Variants in KEL observed in about 807,000 individuals in gnomAD.
KEL encodes kell blood group glycoprotein.
KEL carries 96 observed loss-of-function variants against 99.5 expected under a neutral mutation model. That is an observed-to-expected ratio of 0.97 (90% CI 0.82 to 1.14). The LOEUF (loss-of-function observed/expected upper bound fraction) is 1.14. Among genes scored for constraint, KEL ranks in the 50% most tolerant of loss-of-function variants. The pLI is 0.00. For missense variants in KEL, 926 were observed against 924.2 expected, an observed-to-expected ratio of 1.00 and a Z score of -0.03; for synonymous variants, 355 against 354.8, an observed-to-expected ratio of 1.00 and a Z score of -0.01.
chr7:142,951,523 A>C (rs1173429555), intron 10 of KEL, among the ~76,000 whole-genome samples: 1 of 152,154 alleles, frequency 6.6e-6, no homozygotes, highest in Non-Finnish European at 1.5e-5. Flanking sequence ...ACTTACTGTC[A>C]TACCTGAGCA....
chr7:142,945,041 G>A, intron 11 of KEL: 1 of 474,984 alleles, frequency 2.1e-6, no homozygotes, highest in Middle Eastern at 5.9e-4. Context: ...TCACTCCTGG[G>A]GGCAGGAACA....
intron 10 of KEL, among the ~76,000 whole-genome samples, chr7:142,949,862 T>C (rs1796633122): frequency 6.6e-6 from 1 of 152,234 alleles, no homozygotes; most frequent in Non-Finnish European, 1.5e-5. Context: ...CTGCTTTTAC[T>C]TCTCAAAACC....
At chr7:142,958,833 A>G (rs2116682567) in intron 4 of KEL, among the ~76,000 whole-genome samples, 1 of 152,330 alleles carries the variant, frequency 6.6e-6, no homozygotes, top group East Asian at 1.9e-4. Context: ...AGACTTCAAA[A>G]GAACTTCGGT....
chr7:142,947,870 C>T (rs1248510127), intron 10 of KEL, among the ~76,000 whole-genome samples: 1 of 152,208 alleles, frequency 6.6e-6, no homozygotes, highest in Admixed American at 6.5e-5. Flanking sequence ...TCTCATGCTG[C>T]ATGAGTTGGA....
intron 4 of KEL, among the ~76,000 whole-genome samples, chr7:142,960,377 G>A (rs1796926180): frequency 1.3e-5 from 2 of 152,194 alleles, no homozygotes; most frequent in Admixed American, 1.3e-4. Flanking sequence ...AGATCATTGT[G>A]AGAGAGGGGA....
intron 18 of KEL, chr7:142,942,189 T>G: frequency 1.8e-6 from 1 of 570,750 alleles, no homozygotes; most frequent in Non-Finnish European, 3.1e-6. Flanking sequence ...TGGAGGAACT[T>G]GGGAATAGAG....
chr7:142,960,993 T>C lies in KEL; in HGVS notation c.335A>G (p.Lys112Arg). Residue 112 changes from lysine (K) to arginine (R), a missense_variant, in exon 4 of 19, where the codon AAA becomes AGA. Transcript: ENST00000355265. ...CTCCTGAAAAGAATTATTGGTCTCT[T>C]TGGCCCTTCCACAGGCAAAGCTGAA... ...DFFSFACGRA[K>R]ETNNSFQELA... 6.2e-7 allele frequency: 1 copy of C among 1,614,240 alleles called. No homozygotes were observed.
intron 10 of KEL, among the ~76,000 whole-genome samples, chr7:142,947,843 G>A (rs1478363981): frequency 1.3e-5 from 2 of 152,244 alleles, no homozygotes; most frequent in Non-Finnish European, 2.9e-5. Flanking sequence ...CTGATAAAGA[G>A]AAGAGGCTCA....
At chr7:142,947,343 C>T (rs1281135367) in intron 10 of KEL, among the ~76,000 whole-genome samples, 2 of 152,064 alleles carry the variant, frequency 1.3e-5, no homozygotes, top group African/African-American at 2.4e-5. Flanking sequence ...TAATACTCTC[C>T]CCGCAGGAGC....
Position 142,961,069 on chromosome 7 carries a change from C to T in KEL, c.259G>A (p.Asp87Asn), listed in dbSNP as rs770390286. 5.5e-5 allele frequency: 89 copies of T among 1,613,988 alleles called. 2 individuals are homozygous for T. The South Asian group carries it at 7.1e-4, about 13-fold the overall frequency. The change falls in exon 4 of 19, where the codon GAT becomes AAT. Residue 87 changes from aspartate to asparagine, a missense_variant. Physicochemically the swap from Asp to Asn is conservative, Grantham distance 23 (BLOSUM62 1). Transcript: ENST00000355265. ...CETSVCLDLR[D>N]HYLASGNTSV... is the part of the protein sequence containing the mutation. Reference sequence around the variant, plus strand: ...GTGTTCCCAGAGGCCAGGTAATGATCCCGGAGATCCAAACACACAGATGTC... The same window carrying T: ...GTGTTCCCAGAGGCCAGGTAATGATTCCGGAGATCCAAACACACAGATGTC...
chr7:142,961,366 C>T lies in KEL; in HGVS notation c.217G>A (p.Gly73Ser). Residue 73 changes from glycine to serine, a missense_variant, in exon 3 of 19, where the codon GGC becomes AGC. By Grantham distance (56) the Gly-to-Ser change is moderately conservative. Transcript: ENST00000355265. ...GGTCTGGGATCTTGCTTACGAGGGC[C>T]ACAGTTCTGGAAGTTGTAGAACAAA... ...VLLFYNFQNC[G>S]PRPCETSVCL... The T allele has an allele frequency of 6.2e-7, 1 of 1,613,254 alleles. No individual in the cohort carries two copies. Among genetic ancestry groups the T allele is most frequent in the Non-Finnish European group, 8.5e-7 (1 of 1,180,030 alleles).
At chr7:142,943,379 T>G (rs780960250) in intron 15 of KEL, 36 bp from the exon 16 acceptor site, 21 of 1,613,234 alleles carry the variant, frequency 1.3e-5, no homozygotes, top group Non-Finnish European at 5.9e-6. Flanking sequence ...CCCCAGAATC[T>G]CTCAGCATTT....
chr7:142,944,780 G>T, intron 11 of KEL, 39 bp from the exon 12 acceptor site: 1 of 1,514,392 alleles, frequency 6.6e-7, no homozygotes, highest in African/African-American at 1.4e-5. Flanking sequence ...GACAGGATCA[G>T]GAGAGGCCTC....
At chr7:142,958,532 C>T (rs902749208) in intron 4 of KEL, 104 bp from the exon 5 acceptor site, 101 of 1,045,080 alleles carry the variant, frequency 9.7e-5, no homozygotes, top group Middle Eastern at 2.9e-4. Context: ...ATCATAAGTT[C>T]TCATCAGATG....
chr7:142,949,674 A>T (rs983597712), intron 10 of KEL, among the ~76,000 whole-genome samples: 4 of 152,238 alleles, frequency 2.6e-5, no homozygotes, highest in African/African-American at 9.6e-5. Context: ...GCATAAATCC[A>T]TATCTAGGTC....
chr7:142,960,906 T>C (rs756556275), intron 4 of KEL, 22 bp downstream of exon 4: 18 of 1,613,206 alleles, frequency 1.1e-5, no homozygotes, highest in Non-Finnish European at 1.5e-5. Context: ...GCACAGAGCA[T>C]CTTCCACCCT....
Position 142,946,281 on chromosome 7 carries a change from T to C in KEL, c.1240A>G (p.Thr414Ala). 4 of 1,614,036 alleles carry C rather than the reference T, an allele frequency of 2.5e-6. No individual in the cohort carries two copies. The highest frequency in any genetic ancestry group is 3.4e-6 in the Non-Finnish European group (4 of 1,179,980). ...AGCGTGGGCTCGAAGAACGTGCCTG[T>C]CTCCTCCACGCACTTCATCCATCGT... is the stretch of plus-strand genomic sequence containing the variant. Reference protein sequence around the residue: ...RPRWMKCVEETGTFFEPTLAA... With the variant: ...RPRWMKCVEEAGTFFEPTLAA... Residue 414 changes from threonine to alanine, a missense_variant, in exon 11 of 19, where the codon ACA (threonine) becomes GCA (alanine). Thr to Ala is a moderately conservative substitution (Grantham distance 58, BLOSUM62 0). Transcript: ENST00000355265.
In KEL at chr7:142,943,500, G is replaced by A; in HGVS notation, c.1689C>T (p.His563=). The change falls in exon 15 of 19, where the codon CAC becomes CAT. Residue 563 remains histidine, a synonymous_variant. Transcript: ENST00000355265. Reference sequence around the variant, plus strand: ...GTGACCCATACCTGGGATAGCCAGGGTGGAAGAATGGGGGTTGGAGGAGTC... The same window carrying A: ...GTGACCCATACCTGGGATAGCCAGGATGGAAGAATGGGGGTTGGAGGAGTC... ...PAGLLQPPFF[H]PGYPRAVNFG... is the part of the protein sequence containing the mutation. 6.2e-7 allele frequency: 1 copy of A among 1,613,856 alleles called. No homozygotes were observed. The highest frequency in any genetic ancestry group is 8.5e-7 in the Non-Finnish European group (1 of 1,179,702).
At chr7:142,945,062 A>C in intron 11 of KEL, 1 of 445,280 alleles carries the variant, frequency 2.2e-6, no homozygotes, top group Admixed American at 3.4e-5. Flanking sequence ...CCTCTCAGAA[A>C]TCAGAGGGAG....
Sources: allele counts gnomAD v4.1 joint callset (sites outside exome capture counted in the v4.1 genomes callset), GRCh38; gene constraint gnomAD v4.1.1; transcripts MANE v1.5; gene names NCBI Gene and HGNC (gene_info 2026-07-23, HGNC 2026-07-21).